Variants in GRID2IP observed in about 807,000 individuals in gnomAD.
GRID2IP encodes Grid2 interacting protein.
Under a neutral mutation model 114.3 loss-of-function variants are expected in GRID2IP, and 78 were observed. The ratio of observed to expected loss-of-function variants is 0.68; its 90% CI spans 0.57 to 0.82. GRID2IP has a LOEUF of 0.82. Ranked by LOEUF, GRID2IP falls within the 40% of genes least tolerant of loss-of-function variation. The pLI is 0.00. For missense variants in GRID2IP, 1,727 were observed against 1,678.5 expected, an observed-to-expected ratio of 1.03 and a Z score of -0.51; for synonymous variants, 809 against 724.0, an observed-to-expected ratio of 1.12 and a Z score of -1.89.
chr7:6,503,785 C>A (rs1259509980), intron 15 of GRID2IP, 98 bp from the exon 16 acceptor site: 19 of 866,924 alleles, frequency 2.2e-5, no homozygotes, highest in South Asian at 3.9e-5. Context: ...AGAGGGCGGA[C>A]ACGGGGCGGG....
chr7:6,526,588 C>T lies in GRID2IP; in HGVS notation c.766G>A (p.Asp256Asn). The T allele has an allele frequency of 2.5e-6, 3 of 1,192,488 alleles. No homozygotes were observed. Among genetic ancestry groups the T allele is most frequent in the East Asian group, 3.6e-5 (1 of 28,002 alleles). 73.9% of individuals were successfully genotyped at this position (1,192,488 alleles called of 1,614,324 possible). ...TRASAPPRRP[D>N]EPPPRRASLL... is the part of the protein sequence containing the mutation. ...GAGGCCCTGCGCGGGGGCGGCTCAT[C>T]GGGGCGGCGCGGCGGGGCGCTGGCG... The change falls in exon 3 of 22, where the codon GAT (aspartate) becomes AAT (asparagine). Residue 256 changes from aspartate to asparagine, a missense_variant. Asp to Asn is a conservative substitution (Grantham distance 23). Coordinates refer to ENST00000457091, the MANE Select transcript of GRID2IP (RefSeq NM_001145118.2). The surrounding 1 kb of genome is among the most constrained non-coding windows in gnomAD (Gnocchi z 7.6).
At chr7:6,502,426 G>A (rs1786442594) in intron 18 of GRID2IP, among the ~76,000 whole-genome samples, 4 of 152,044 alleles carry the variant, frequency 2.6e-5, no homozygotes, top group Admixed American at 1.3e-4. Flanking sequence ...ATGTTGTCCA[G>A]GCTAGTCTCC....
intron 4 of GRID2IP, among the ~76,000 whole-genome samples, chr7:6,525,655 TAAAA>T (rs1779495640): frequency 1.3e-5 from 2 of 151,884 alleles, no homozygotes; most frequent in South Asian, 4.2e-4. Context: ...ATAAAATAAA[TAAAA>T]AGATGCCATG....
In GRID2IP at chr7:6,523,288, C is replaced by T. The variant is rs1488042692; in HGVS notation, c.920-1331G>A. On this transcript the variant is annotated intron_variant, in intron 4 of 21. Transcript: ENST00000457091. The surrounding 1 kb of genome is among the most constrained non-coding windows in gnomAD (Gnocchi z 4.5). ...CGGGAGAGGCGAGATGGGGGAAGTC[C>T]TTTCCCTGGACCAAAAAGGAGAGAG... Among the ~76,000 whole-genome samples the T allele has an allele frequency of 6.6e-6, 1 of 152,120 alleles. No individual in the cohort carries two copies. The highest frequency in any genetic ancestry group is 1.5e-5 in the Non-Finnish European group (1 of 68,022).
At position 6,526,166 on chromosome 7, in the gene GRID2IP, G is replaced by A. The variant is rs1779506823; in HGVS notation, c.919+58C>T. ...CAATGACCCGGCAGAGCCACCACGG[G>A]GCCCTTCACCCCATCCTGGGCCTTA... On this transcript the variant is annotated intron_variant, in intron 4 of 21. Transcript: ENST00000457091. The surrounding 1 kb of genome is among the most constrained non-coding windows in gnomAD (Gnocchi z 7.6). 1 of 1,374,400 alleles carries A rather than the reference G, an allele frequency of 7.3e-7. No individual in the cohort carries two copies. Among genetic ancestry groups the A allele is most frequent in the African/African-American group, 1.4e-5 (1 of 69,406 alleles). 85.1% of individuals were successfully genotyped at this position (1,374,400 alleles called of 1,614,324 possible).
In GRID2IP at chr7:6,497,626, A is replaced by T; in HGVS notation, c.*148T>A. ...AGGGCTGGCAGAGGAGGGCCCGACC[A>T]CAGCTCGGCGGCTGAGGTAGCTGCA... On this transcript the variant is annotated 3_prime_UTR_variant, in exon 22 of 22. Coordinates refer to ENST00000457091, the MANE Select transcript of GRID2IP (RefSeq NM_001145118.2). 1.7e-6 allele frequency: 1 copy of T among 585,404 alleles called. No individual in the cohort carries two copies. The highest frequency in any genetic ancestry group is 3.1e-5 in the East Asian group (1 of 32,366). 36.3% of individuals were successfully genotyped at this position (585,404 alleles called of 1,614,324 possible). A position where few individuals can be genotyped will look rare whatever the true frequency, so the allele number is the denominator to read the frequency against.
At chr7:6,524,130 G>A (rs1318441139) in intron 4 of GRID2IP, among the ~76,000 whole-genome samples, 1 of 152,188 alleles carries the variant, frequency 6.6e-6, no homozygotes, top group Admixed American at 6.6e-5. Context: ...TTCCAGGGCT[G>A]GGACTACTGG....
At position 6,514,364 on chromosome 7, in the gene GRID2IP, A is replaced by G. The variant is rs772468918; in HGVS notation, c.1423+11T>C. Reference sequence around the variant, plus strand: ...TGCAGGCAGGGAAGTGGCAGGGGAGAGGACGCTTACCTGTCATGGCCGTGT... The same window carrying G: ...TGCAGGCAGGGAAGTGGCAGGGGAGGGGACGCTTACCTGTCATGGCCGTGT... On this transcript the variant is annotated intron_variant, in intron 8 of 21. Coordinates refer to ENST00000457091, the MANE Select transcript of GRID2IP (RefSeq NM_001145118.2). 1.3e-6 allele frequency: 2 copies of G among 1,492,596 alleles called. No individual in the cohort carries two copies. Among genetic ancestry groups the G allele is most frequent in the South Asian group, 2.6e-5 (2 of 77,184 alleles). The allele number at this position is 1,492,596 out of a possible 1,614,324, so 92.5% of individuals were successfully genotyped here.
At position 6,536,780 on chromosome 7, in the gene GRID2IP, C is replaced by CT. The variant is rs201353483; in HGVS notation, c.584+2937dup. 0.032 allele frequency: 22,789 copies of CT among 702,188 alleles called. 439 individuals are homozygous for CT. Among genetic ancestry groups the CT allele is most frequent in the Non-Finnish European group, 0.039 (14,846 of 384,488 alleles). The allele number at this position is 702,188 out of a possible 1,614,324, so 43.5% of individuals were successfully genotyped here. ...TTCGGCTCTAGAAATAACTTTTTTC[C>CT]TTTTTTCCCCTCTTCTGATTCTCCT... On this transcript the variant is annotated intron_variant, in intron 2 of 21. Transcript: ENST00000457091. This position sits in a 1 kb window ranked among gnomAD's most constrained non-coding sequence, Gnocchi z 5.3.
chr7:6,541,749 C>T lies in GRID2IP; in HGVS notation c.430-1877G>A, dbSNP rs781595758. 2.0e-5 allele frequency among the ~76,000 whole-genome samples: 3 copies of T among 152,168 alleles called. No homozygotes were observed. In the South Asian group the frequency reaches 6.2e-4, roughly 31 times the overall value. ...TTGGAAATGAGCATGCAAATGGTCA[C>T]GTTTCTGGAAGGCAGGTTGTTAAGT... On this transcript the variant is annotated intron_variant, in intron 1 of 21. Transcript: ENST00000457091.
Position 6,507,842 on chromosome 7 carries a change from C to T in GRID2IP, c.2544+143G>A. Reference sequence around the variant, plus strand: ...AGTGGCCCCCAAGCGTGGGGACGTTCTTGGGCTGGGCCTCTACTCATCCTC... The same window carrying T: ...AGTGGCCCCCAAGCGTGGGGACGTTTTTGGGCTGGGCCTCTACTCATCCTC... On this transcript the variant is annotated intron_variant, in intron 13 of 21. Transcript: ENST00000457091. The surrounding 1 kb of genome is among the most constrained non-coding windows in gnomAD (Gnocchi z 5.3). The T allele has an allele frequency of 7.5e-7, 1 of 1,333,922 alleles. No homozygotes were observed. Among genetic ancestry groups the T allele is most frequent in the East Asian group, 2.6e-5 (1 of 37,766 alleles). The allele number at this position is 1,333,922 out of a possible 1,614,324, so 82.6% of individuals were successfully genotyped here. A position where few individuals can be genotyped will look rare whatever the true frequency, so the allele number is the denominator to read the frequency against.
rs1234729968 is a variant in GRID2IP at position 6,551,074 on chromosome 7, G to A, written c.363C>T (p.Ala121=). ...LALGRELLRL[A]GRKRPDAVHR... is the part of the protein sequence containing the mutation. ...GCACCGCGTCCGGGCGCTTGCGGCC[G>A]GCCAGGCGAAGCAGCTCACGGCCCA... is the stretch of plus-strand genomic sequence containing the variant. The change falls in exon 1 of 22, where the codon GCC becomes GCT. Residue 121 remains alanine, a synonymous_variant. Transcript: ENST00000457091. The A allele has an allele frequency of 7.0e-5, 92 of 1,309,738 alleles. No homozygotes were observed. Among genetic ancestry groups the A allele is most frequent in the Non-Finnish European group, 8.4e-5 (87 of 1,033,080 alleles). 81.1% of individuals were successfully genotyped at this position (1,309,738 alleles called of 1,614,324 possible). A position where few individuals can be genotyped will look rare whatever the true frequency, so the allele number is the denominator to read the frequency against.
intron 1 of GRID2IP, among the ~76,000 whole-genome samples, chr7:6,548,998 CT>C (rs35735605): frequency 0.015 from 2,315 of 152,174 alleles, 65 homozygotes; most frequent in African/African-American, 0.053. Flanking sequence ...CACAGGATCA[CT>C]TTTTGTTCCA....
intron 16 of GRID2IP, 96 bp from the exon 17 acceptor site, chr7:6,503,259 G>A: frequency 8.5e-7 from 1 of 1,179,924 alleles, no homozygotes; most frequent in Non-Finnish European, 1.2e-6. Flanking sequence ...TCTGCTGGCT[G>A]CTTCGGCCCG....
intron 1 of GRID2IP, among the ~76,000 whole-genome samples, chr7:6,550,657 CAAA>C (rs71008400): frequency 9.3e-4 from 90 of 97,082 alleles, no homozygotes; most frequent in African/African-American, 3.3e-3. Flanking sequence ...CTAAAAATAC[CAAA>C]AAAAAAAAAA....
rs939489786 is a variant in GRID2IP, at chr7:6,498,142, G to A, written c.3486C>T (p.Ala1162=). Residue 1162 remains alanine, a synonymous_variant, in exon 21 of 22, where the codon GCC becomes GCT. Coordinates refer to ENST00000457091, the MANE Select transcript of GRID2IP (RefSeq NM_001145118.2). ...TGGCCTTGGAATCCTCCCCAAAGAAGGCCAGCGCCTTGCCCAGCTCCTCCA... is the reference window on the plus strand; with the variant it reads ...TGGCCTTGGAATCCTCCCCAAAGAAAGCCAGCGCCTTGCCCAGCTCCTCCA... The part of the protein sequence containing the change: ...EAMEELGKAL[A]FFGEDSKATT... The A allele has an allele frequency of 1.2e-5, 19 of 1,551,558 alleles. No individual in the cohort carries two copies. Among genetic ancestry groups the A allele is most frequent in the Non-Finnish European group, 1.7e-5 (19 of 1,146,976 alleles).
chr7:6,540,708 T>TTTA (rs1779803972), intron 1 of GRID2IP, among the ~76,000 whole-genome samples: 2 of 149,242 alleles, frequency 1.3e-5, no homozygotes, highest in East Asian at 3.9e-4. Flanking sequence ...TTTTTTTTTT[T>TTTA]TTAGTAGAGA....
At chr7:6,511,151 G>A in intron 8 of GRID2IP, 112 bp from the exon 9 acceptor site, 2 of 1,250,172 alleles carry the variant, frequency 1.6e-6, no homozygotes, top group Non-Finnish European at 1.0e-6. Context: ...CAGACCCCAA[G>A]CTACGGGGCC....
chr7:6,511,868 C>T (rs1261791862), intron 8 of GRID2IP, among the ~76,000 whole-genome samples: 2 of 151,906 alleles, frequency 1.3e-5, no homozygotes, highest in East Asian at 3.9e-4. Context: ...CCTTCTCTCA[C>T]TTTCTCTCTT....
Sources: gnomAD v4.1 joint callset for allele counts (sites outside exome capture counted in the v4.1 genomes callset) on GRCh38, gnomAD v4.1.1 for gene constraint, Gnocchi (gnomAD v3.1) non-coding constraint, MANE v1.5 for transcripts, NCBI Gene and HGNC (gene_info 2026-07-23, HGNC 2026-07-21) for gene names.